The following DIAPH3 variants were observed in gnomAD, a reference collection of about 807,000 sequenced individuals.
DIAPH3 encodes diaphanous related formin 3, also known as protein diaphanous homolog 3.
A neutral mutation model predicts 144.3 loss-of-function variants in DIAPH3; 117 were observed. The ratio of observed to expected loss-of-function variants is 0.81; its 90% CI spans 0.70 to 0.95. The LOEUF (loss-of-function observed/expected upper bound fraction) is 0.95. Among genes scored for constraint, DIAPH3 ranks in the 40% least tolerant of loss-of-function variants. The pLI is 0.00. For missense variants in DIAPH3, 1,421 were observed against 1,412.7 expected, an observed-to-expected ratio of 1.01 and a Z score of -0.09; for synonymous variants, 519 against 488.9, an observed-to-expected ratio of 1.06 and a Z score of -0.81.
In DIAPH3 at chr13:59,839,455, G is replaced by T; in HGVS notation, c.2738-7C>A. The T allele has an allele frequency of 6.2e-7, 1 of 1,612,560 alleles. No homozygotes were observed. The highest frequency in any genetic ancestry group is 8.5e-7 in the Non-Finnish European group (1 of 1,179,288). On this transcript the variant is annotated splice_polypyrimidine_tract_variant and splice_region_variant and intron_variant, in intron 22 of 27. Coordinates refer to ENST00000400324, the MANE Select transcript of DIAPH3 (RefSeq NM_001042517.2). ...TCCAGCGTTTCTACAGAGACTAAAA[G>T]AGAGTATATTAAATGCCCGGAAAGG...
At position 60,163,853 on chromosome 13, in the gene DIAPH3, C is replaced by A; in HGVS notation, c.-87G>T. Reference sequence around the variant, plus strand: ...GCTGAGGGATCGACAACAGGTTTTACTCCCGGGGTCCGCCACCCAAACAGT... The same window carrying A: ...GCTGAGGGATCGACAACAGGTTTTAATCCCGGGGTCCGCCACCCAAACAGT... On this transcript the variant is annotated 5_prime_UTR_variant, in exon 1 of 28. Transcript: ENST00000400324. The A allele has an allele frequency of 4.0e-6, 6 of 1,489,042 alleles. No homozygotes were observed. Among genetic ancestry groups the A allele is most frequent in the Non-Finnish European group, 5.4e-6 (6 of 1,113,720 alleles). The allele number at this position is 1,489,042 out of a possible 1,614,324, so 92.2% of individuals were successfully genotyped here.
chr13:60,160,819 G>A (rs750133941), intron 1 of DIAPH3, among the ~76,000 whole-genome samples: 6 of 152,266 alleles, frequency 3.9e-5, no homozygotes, highest in South Asian at 4.1e-4. Context: ...CAATTGATTC[G>A]TAGCACAGCC....
intron 22 of DIAPH3, among the ~76,000 whole-genome samples, chr13:59,848,471 C>A (rs2139835135): frequency 6.6e-6 from 1 of 150,996 alleles, no homozygotes; most frequent in African/African-American, 2.4e-5. Context: ...CCCCGCTCCC[C>A]CCACCCCACC....
intron 5 of DIAPH3, among the ~76,000 whole-genome samples, chr13:60,016,675 T>G (rs2053674817): frequency 1.3e-5 from 2 of 152,184 alleles, no homozygotes; most frequent in African/African-American, 4.8e-5. Flanking sequence ...TTAGCAGAAT[T>G]CCCCAAACCA....
rs1417443970 is a variant in DIAPH3 at position 59,916,168 on chromosome 13, T to C, written c.2252A>G (p.Glu751Gly). The C allele has an allele frequency of 6.2e-7, 1 of 1,613,054 alleles. No individual in the cohort carries two copies. The highest frequency in any genetic ancestry group is 8.5e-7 in the Non-Finnish European group (1 of 1,179,268). ...CTGTTTGTTTACCTGAATCATAGACTCTGCCAACCGTGTTTCATCTACTTC... is the reference window on the plus strand; with the variant it reads ...CTGTTTGTTTACCTGAATCATAGACCCTGCCAACCGTGTTTCATCTACTTC... Reference protein sequence around the residue: ...ILEVDETRLAESMIQNLIKHL... With the variant: ...ILEVDETRLAGSMIQNLIKHL... Residue 751 changes from glutamate to glycine, a missense_variant, in exon 19 of 28, where the codon GAG becomes GGG. By Grantham distance (98) the Glu-to-Gly change is moderately conservative. Coordinates refer to ENST00000400324, the MANE Select transcript of DIAPH3 (RefSeq NM_001042517.2).
chr13:59,874,970 A>G (rs953266520), intron 21 of DIAPH3, among the ~76,000 whole-genome samples: 3 of 152,204 alleles, frequency 2.0e-5, no homozygotes, highest in Non-Finnish European at 4.4e-5. Flanking sequence ...TCTTAAATTT[A>G]CAAGTCAAAA....
chr13:60,140,711 A>G (rs1307862623), intron 1 of DIAPH3, among the ~76,000 whole-genome samples: 1 of 152,136 alleles, frequency 6.6e-6, no homozygotes, highest in Non-Finnish European at 1.5e-5. Context: ...TAATACAGAA[A>G]GTATTTTTTA....
At chr13:59,988,447 A>G (rs1479824686) in intron 12 of DIAPH3, among the ~76,000 whole-genome samples, 2 of 151,900 alleles carry the variant, frequency 1.3e-5, no homozygotes, top group African/African-American at 4.8e-5. Flanking sequence ...TTAAGAAATC[A>G]TAATTTTAGT....
At position 59,826,178 on chromosome 13, in the gene DIAPH3, C is replaced by T. The variant is rs936785991; in HGVS notation, c.3027+6929G>A. Among the ~76,000 whole-genome samples the T allele has an allele frequency of 4.0e-5, 6 of 150,764 alleles. No homozygotes were observed. The Admixed American group carries it at 4.0e-4, about 10-fold the overall frequency. On this transcript the variant is annotated intron_variant, in intron 24 of 27. Transcript: ENST00000400324. ...TCAACATAGTGTTGGAAGTTCTGGC[C>T]AGGGCAATTAGGCAGGAGAAGGAAA...
intron 9 of DIAPH3, among the ~76,000 whole-genome samples, chr13:60,003,534 T>G (rs2052653356): frequency 6.7e-6 from 1 of 149,136 alleles, no homozygotes; most frequent in Non-Finnish European, 1.5e-5. Context: ...TATATAGATA[T>G]ATCTATCTAT....
chr13:59,888,148 G>C (rs1004808446), intron 20 of DIAPH3, among the ~76,000 whole-genome samples: 1 of 152,048 alleles, frequency 6.6e-6, no homozygotes, highest in Admixed American at 6.6e-5. Context: ...CAGTGTGATA[G>C]GATTATGACA....
intron 23 of DIAPH3, chr13:59,838,377 C>A (rs1478441140): frequency 6.6e-6 from 1 of 151,820 alleles, no homozygotes; most frequent in Non-Finnish European, 1.5e-5. Flanking sequence ...GGACACAAGC[C>A]TCATGCTATT....
In DIAPH3 at chr13:59,752,507, A is replaced by G. The variant is rs1057269720; in HGVS notation, c.3319+21682T>C. Among the ~76,000 whole-genome samples, 3 of 151,932 alleles carry G rather than the reference A, an allele frequency of 2.0e-5. No individual in the cohort carries two copies. In the South Asian group the frequency reaches 6.2e-4, roughly 32 times the overall value. On this transcript the variant is annotated intron_variant, in intron 27 of 27. Transcript: ENST00000400324. ...CTCAGCCTTTCCAGTAGCTGGGACT[A>G]CAGGTGCACACCAGCACACCCAGTT...
chr13:59,970,991 C>T lies in DIAPH3; in HGVS notation c.1820G>A (p.Ser607Asn). 1 of 1,613,810 alleles carries T rather than the reference C, an allele frequency of 6.2e-7. No individual in the cohort carries two copies. Among genetic ancestry groups the T allele is most frequent in the Non-Finnish European group, 8.5e-7 (1 of 1,179,924 alleles). The change falls in exon 16 of 28, where the codon AGT becomes AAT. Residue 607 changes from serine to asparagine, a missense_variant. Ser to Asn is a conservative substitution (Grantham distance 46). Transcript: ENST00000400324. The stretch of plus-strand genomic sequence containing the variant: ...GGGAGGTGGTGGAGGCACAGGACCA[C>T]TGAATGGCATCCGCATTCCTGGAAG... ...PPLPGMRMPFSGPVPPPPPLG... is the reference protein window; with the variant it reads ...PPLPGMRMPFNGPVPPPPPLG...
At chr13:59,921,317 T>G (rs2047508620) in intron 18 of DIAPH3, among the ~76,000 whole-genome samples, 1 of 150,162 alleles carries the variant, frequency 6.7e-6, no homozygotes, top group South Asian at 2.1e-4. Context: ...ATTTCATTTT[T>G]GGAAAAAATA....
intron 4 of DIAPH3, among the ~76,000 whole-genome samples, chr13:60,046,635 G>A (rs1304286441): frequency 6.6e-6 from 1 of 152,202 alleles, no homozygotes; most frequent in East Asian, 1.9e-4. Context: ...TACACCCAAA[G>A]GATTATAAAT....
chr13:59,783,098 C>A (rs2038832900), intron 25 of DIAPH3, among the ~76,000 whole-genome samples: 1 of 151,974 alleles, frequency 6.6e-6, no homozygotes, highest in Non-Finnish European at 1.5e-5. Flanking sequence ...AGAGAAAAGA[C>A]TAAAGGCAAA....
At chr13:59,989,283 A>G (rs2051646735) in intron 12 of DIAPH3, among the ~76,000 whole-genome samples, 2 of 151,866 alleles carry the variant, frequency 1.3e-5, no homozygotes, top group Non-Finnish European at 2.9e-5. Flanking sequence ...TAAATAAATA[A>G]AATTTTAAAA....
chr13:59,937,210 A>G lies in DIAPH3; in HGVS notation c.2075-12340T>C, dbSNP rs146217250. 1.4e-4 allele frequency among the ~76,000 whole-genome samples: 22 copies of G among 152,218 alleles called. No homozygotes were observed. In the East Asian group the frequency reaches 4.1e-3, roughly 28 times the overall value. On this transcript the variant is annotated intron_variant, in intron 17 of 27. Coordinates refer to ENST00000400324, the MANE Select transcript of DIAPH3 (RefSeq NM_001042517.2). ...AATAATTTTTCCACTATTTTTACGT[A>G]TAACATTCTCTCATATGTTCTCTGA...
Sources: gnomAD v4.1 joint callset for allele counts (sites outside exome capture counted in the v4.1 genomes callset) on GRCh38, gnomAD v4.1.1 for gene constraint, MANE v1.5 for transcripts, NCBI Gene and HGNC (gene_info 2026-07-23, HGNC 2026-07-21) for gene names.